Variants in EVI5 observed in about 807,000 individuals in gnomAD.
EVI5 encodes ecotropic viral integration site 5 protein homolog.
Under a neutral mutation model 112.0 loss-of-function variants are expected in EVI5, and 73 were observed. The observed-to-expected ratio is 0.65, with a 90% CI of 0.54 to 0.79. The LOEUF is 0.79. Among genes scored for constraint, EVI5 ranks in the 30% least tolerant of loss-of-function variants. The probability of loss-of-function intolerance (pLI) is 0.00; values close to 1 mark genes in which losing one functional copy is unlikely to be tolerated. For synonymous variants in EVI5, 305 were observed against 319.9 expected, an observed-to-expected ratio of 0.95 and a Z score of 0.50; for missense variants, 900 against 968.8, an observed-to-expected ratio of 0.93 and a Z score of 0.94.
intron 9 of EVI5, among the ~76,000 whole-genome samples, chr1:92,678,628 G>T (rs1200473132): frequency 6.6e-6 from 1 of 152,078 alleles, no homozygotes; most frequent in Non-Finnish European, 1.5e-5. Flanking sequence ...AGCACGATAT[G>T]CAACTCTATG....
intron 19 of EVI5, among the ~76,000 whole-genome samples, chr1:92,557,722 A>G (rs935866899): frequency 6.6e-6 from 1 of 151,116 alleles, no homozygotes; most frequent in African/African-American, 2.4e-5. Context: ...AATTCCGAAG[A>G]AAACTTTTTT....
chr1:92,593,611 G>C (rs544946174), intron 18 of EVI5, among the ~76,000 whole-genome samples: 1 of 152,154 alleles, frequency 6.6e-6, no homozygotes, highest in African/African-American at 2.4e-5. Context: ...ATTCCATTAG[G>C]AAAAGAGGAA....
At chr1:92,701,961 A>T (rs1469316426) in intron 5 of EVI5, among the ~76,000 whole-genome samples, 180 bp downstream of exon 5, 2 of 3,142 alleles carry the variant, frequency 6.4e-4, no homozygotes, top group African/African-American at 1.8e-3. Flanking sequence ...GTAAGATATT[A>T]CTATGTTATT....
intron 2 of EVI5, among the ~76,000 whole-genome samples, chr1:92,719,212 T>C (rs1251894079): frequency 6.6e-6 from 1 of 152,014 alleles, no homozygotes; most frequent in Admixed American, 6.5e-5. Context: ...AGCATCATCC[T>C]GATACCAAAG....
chr1:92,639,008 T>C (rs756708539), intron 13 of EVI5, among the ~76,000 whole-genome samples: 11 of 152,112 alleles, frequency 7.2e-5, no homozygotes, highest in Non-Finnish European at 1.5e-4. Context: ...GACACACAAT[T>C]TGTTTTACCA....
chr1:92,531,012 C>T (rs192965707), intron 19 of EVI5, among the ~76,000 whole-genome samples: 3 of 151,906 alleles, frequency 2.0e-5, no homozygotes, highest in Non-Finnish European at 4.4e-5. Flanking sequence ...CATGTTCTAA[C>T]CCAATGCAAT....
chr1:92,744,594 TCTCTCTCACACACACACACACACACACA>T (rs1255046213), intron 1 of EVI5, among the ~76,000 whole-genome samples: 2 of 134,008 alleles, frequency 1.5e-5, no homozygotes, highest in South Asian at 4.5e-4. Context: ...TATCTCTCTC[TCTCTCTCACACACACACACACACACACA>T]CACACACACA....
chr1:92,580,954 A>G (rs1671838407), intron 18 of EVI5: 1 of 152,128 alleles, frequency 6.6e-6, no homozygotes, highest in Non-Finnish European at 1.5e-5. Flanking sequence ...TTATCCTTGA[A>G]TTACCTTTCT....
At chr1:92,534,097 T>G (rs1003821835) in intron 19 of EVI5, among the ~76,000 whole-genome samples, 5 of 152,128 alleles carry the variant, frequency 3.3e-5, no homozygotes, top group African/African-American at 9.7e-5. Flanking sequence ...GGATACAAAA[T>G]CAATGTGCAA....
intron 19 of EVI5, among the ~76,000 whole-genome samples, chr1:92,535,029 T>G (rs1663610542): frequency 6.6e-6 from 1 of 152,068 alleles, no homozygotes; most frequent in Non-Finnish European, 1.5e-5. Context: ...ATATTTTGCA[T>G]CTGACAAAGG....
intron 18 of EVI5, among the ~76,000 whole-genome samples, chr1:92,604,354 CAA>C (rs60176029): frequency 8.9e-6 from 1 of 112,446 alleles, no homozygotes; most frequent in Non-Finnish European, 1.8e-5. Context: ...GATCCTGCCT[CAA>C]AAAAAAAAAA....
intron 1 of EVI5, among the ~76,000 whole-genome samples, chr1:92,757,186 G>A (rs1681081675): frequency 6.6e-6 from 1 of 152,180 alleles, no homozygotes; most frequent in Non-Finnish European, 1.5e-5. Flanking sequence ...ACAAATCCGT[G>A]TATGACAAAA....
intron 19 of EVI5, among the ~76,000 whole-genome samples, chr1:92,531,937 A>C (rs191172978): frequency 6.6e-6 from 1 of 152,310 alleles, no homozygotes; most frequent in Admixed American, 6.5e-5. Context: ...CACACATAAC[A>C]ATATTAACCT....
At chr1:92,709,272 C>T (rs1391055074) in intron 2 of EVI5, among the ~76,000 whole-genome samples, 1 of 152,138 alleles carries the variant, frequency 6.6e-6, no homozygotes, top group African/African-American at 2.4e-5. Context: ...GTGGGTTATA[C>T]ATAGGTATAT....
intron 18 of EVI5, among the ~76,000 whole-genome samples, chr1:92,570,004 T>C (rs552217197): frequency 1.3e-5 from 2 of 152,154 alleles, no homozygotes; most frequent in South Asian, 2.1e-4. Flanking sequence ...ACTTACTCCA[T>C]TGTCAGTTCT....
chr1:92,750,561 T>C (rs904791641), intron 1 of EVI5, among the ~76,000 whole-genome samples: 2 of 152,194 alleles, frequency 1.3e-5, no homozygotes, highest in African/African-American at 2.4e-5. Context: ...TTCATGCACA[T>C]ATGAACAAAA....
chr1:92,787,027 GTC>G (rs1205993086), upstream of EVI5, among the ~76,000 whole-genome samples: 1 of 152,118 alleles, frequency 6.6e-6, no homozygotes, highest in East Asian at 1.9e-4. Flanking sequence ...CCCTATGGTG[GTC>G]TCTTACTCCT....
rs567070731 is a variant in EVI5, at chr1:92,631,892, G to A, written c.1527+4310C>T. On this transcript the variant is annotated intron_variant, in intron 14 of 19. Coordinates refer to ENST00000684568, the MANE Select transcript of EVI5 (RefSeq NM_001350197.2). ...TTTATTGAGAGTTTTTGGCATGAAG[G>A]GCTGCTGAATTTTGTCAAAGGCCTT... is the stretch of plus-strand genomic sequence containing the variant. 3.3e-5 allele frequency among the ~76,000 whole-genome samples: 5 copies of A among 152,218 alleles called. No homozygotes were observed. The East Asian group carries it at 9.6e-4, about 29-fold the overall frequency.
At chr1:92,765,201 A>AT (rs962961289) in intron 1 of EVI5, among the ~76,000 whole-genome samples, 7 of 134,738 alleles carry the variant, frequency 5.2e-5, no homozygotes, top group South Asian at 2.4e-4. Context: ...AGGTTTCTGC[A>AT]TTTTTTTTCC....
Sources: gnomAD v4.1 joint callset for allele counts (sites outside exome capture counted in the v4.1 genomes callset) on GRCh38, gnomAD v4.1.1 for gene constraint, MANE v1.5 for transcripts, NCBI Gene and HGNC (gene_info 2026-07-23, HGNC 2026-07-21) for gene names.